Variants in ERCC1 observed in about 807,000 individuals in gnomAD.
ERCC1 encodes DNA excision repair protein ERCC-1.
In ERCC1, 36 loss-of-function variants were observed where a neutral mutation model predicts 37.6. The observed-to-expected ratio is 0.96, with a 90% CI of 0.73 to 1.26. The LOEUF is 1.26. ERCC1 is among the 50% of genes most tolerant of loss of function. ERCC1 has a pLI of 0.00. For missense variants in ERCC1, 349 were observed against 376.5 expected, an observed-to-expected ratio of 0.93 and a Z score of 0.60; for synonymous variants, 156 against 162.1, an observed-to-expected ratio of 0.96 and a Z score of 0.28.
At position 45,423,336 on chromosome 19, in the gene ERCC1, G is replaced by A. The variant is rs1322929852; in HGVS notation, c.39C>T (p.Pro13=). Residue 13 remains proline, a synonymous_variant, in exon 2 of 10, where the codon CCC becomes CCT. Coordinates refer to ENST00000300853, the MANE Select transcript of ERCC1 (RefSeq NM_001983.4). ...PGKDKEGVPQ[P]SGPPARKKFV... ...ATTTCTTCCTTGCTGGCGGCCCTGA[G>A]GGCTGGGGCACCCCCTCTTTGTCCT... 2 of 1,613,744 alleles carry A rather than the reference G, an allele frequency of 1.2e-6. No individual in the cohort carries two copies. The highest frequency in any genetic ancestry group is 8.5e-7 in the Non-Finnish European group (1 of 1,179,932).
chr19:45,434,253 G>A (rs1259889098), intron 1 of ERCC1, among the ~76,000 whole-genome samples: 1 of 151,674 alleles, frequency 6.6e-6, no homozygotes, highest in Non-Finnish European at 1.5e-5. Flanking sequence ...AGCTAAGGCT[G>A]GCAGATCGCT....
intron 1 of ERCC1, among the ~76,000 whole-genome samples, chr19:45,433,037 G>C (rs536660390): frequency 6.6e-6 from 1 of 152,100 alleles, no homozygotes; most frequent in South Asian, 2.1e-4. Flanking sequence ...CCGAGATCGC[G>C]CCACTGCACT....
At chr19:45,422,759 A>AT (rs1284477183) in intron 2 of ERCC1, among the ~76,000 whole-genome samples, 3 of 151,946 alleles carry the variant, frequency 2.0e-5, no homozygotes, top group African/African-American at 7.3e-5. Flanking sequence ...TCTGTCTCAA[A>AT]AAAATAAATA....
intron 1 of ERCC1, among the ~76,000 whole-genome samples, chr19:45,448,061 G>A (rs543547859): frequency 2.0e-5 from 3 of 152,108 alleles, no homozygotes; most frequent in South Asian, 2.1e-4. Context: ...TAGTAGAGAC[G>A]GGGTTTCGCC....
At chr19:45,430,641 G>A (rs1360477561) in intron 1 of ERCC1, among the ~76,000 whole-genome samples, 3 of 152,046 alleles carry the variant, frequency 2.0e-5, no homozygotes, top group Non-Finnish European at 4.4e-5. Context: ...AGCGGGGCGC[G>A]GTGGCTCATG....
chr19:45,431,823 G>A (rs1201504531), intron 1 of ERCC1, among the ~76,000 whole-genome samples: 2 of 152,102 alleles, frequency 1.3e-5, no homozygotes, highest in Non-Finnish European at 2.9e-5. Context: ...CCTAGCAGGT[G>A]GAGGCTGCAG....
intron 1 of ERCC1, among the ~76,000 whole-genome samples, chr19:45,446,056 T>A (rs1440406270): frequency 6.9e-6 from 1 of 145,878 alleles, no homozygotes; most frequent in Non-Finnish European, 1.5e-5. Flanking sequence ...GCCTGGCTAA[T>A]TTTTTTTTTG....
intron 1 of ERCC1, among the ~76,000 whole-genome samples, chr19:45,443,206 G>A (rs770046625): frequency 3.9e-5 from 6 of 152,132 alleles, no homozygotes; most frequent in Non-Finnish European, 5.9e-5. Context: ...AGGCTCCAAG[G>A]AGGTATGGCT....
At chr19:45,423,485 C>A in intron 1 of ERCC1, 104 bp from the exon 2 acceptor site, 1 of 1,511,404 alleles carries the variant, frequency 6.6e-7, no homozygotes. Context: ...ACTCCGAGAG[C>A]TCCATAGCGT....
At position 45,408,651 on chromosome 19, in the gene ERCC1, G is replaced by A. The variant is rs901323864; in HGVS notation, c.*1024C>T. ...CAGCTGAAAGAACCAGAGGCAGCAG[G>A]GCCTGTGGGGACAGAGCCCACAGTG... On this transcript the variant is annotated 3_prime_UTR_variant, in exon 10 of 10. Coordinates refer to ENST00000300853, the MANE Select transcript of ERCC1 (RefSeq NM_001983.4). The A allele has an allele frequency of 1.9e-6, 3 of 1,613,680 alleles. No individual in the cohort carries two copies. Among genetic ancestry groups the A allele is most frequent in the Non-Finnish European group, 2.5e-6 (3 of 1,179,988 alleles).
intron 1 of ERCC1, among the ~76,000 whole-genome samples, chr19:45,443,897 C>A (rs899529773): frequency 2.3e-4 from 35 of 151,982 alleles, no homozygotes; most frequent in African/African-American, 7.7e-4. Flanking sequence ...CACCCCGTAC[C>A]CCGTCCTTTC....
In ERCC1 at chr19:45,423,827, T is replaced by C. The variant is rs1974591899; in HGVS notation, c.-54A>G. On this transcript the variant is annotated 5_prime_UTR_variant, in exon 1 of 10. Coordinates refer to ENST00000300853, the MANE Select transcript of ERCC1 (RefSeq NM_001983.4). ...TTCAGCGCCGCGAGGCCTCACCTGC[T>C]GGTCTTGGAGCCTCAAGGGAAAGAC... is the stretch of plus-strand genomic sequence containing the variant. 2.6e-6 allele frequency: 3 copies of C among 1,134,570 alleles called. No individual in the cohort carries two copies. Among genetic ancestry groups the C allele is most frequent in the African/African-American group, 1.6e-5 (1 of 63,306 alleles). 70.3% of individuals were successfully genotyped at this position (1,134,570 alleles called of 1,614,324 possible).
intron 1 of ERCC1, among the ~76,000 whole-genome samples, chr19:45,435,889 A>T (rs1285431375): frequency 6.6e-6 from 1 of 152,054 alleles, no homozygotes; most frequent in Non-Finnish European, 1.5e-5. Context: ...CAGCCTCCCA[A>T]GTAGCCGGGA....
intron 7 of ERCC1, chr19:45,414,235 C>G: frequency 3.3e-6 from 2 of 613,958 alleles, no homozygotes; most frequent in East Asian, 5.7e-5. Context: ...CCAGCACTTT[C>G]GAGGCCGAGG....
chr19:45,446,192 G>A (rs1414622008), intron 1 of ERCC1, among the ~76,000 whole-genome samples: 2 of 152,120 alleles, frequency 1.3e-5, no homozygotes, highest in African/African-American at 4.8e-5. Flanking sequence ...GAGCCACCGC[G>A]CCTGGCTTGT....
chr19:45,422,594 G>A lies in ERCC1; in HGVS notation c.105+676C>T, dbSNP rs569391508. ...CAGCCTGACCAACATGGTGAAACCCGTCTCTACTAAAAATACAAAAATTAG... is the reference window on the plus strand; with the variant it reads ...CAGCCTGACCAACATGGTGAAACCCATCTCTACTAAAAATACAAAAATTAG... On this transcript the variant is annotated intron_variant, in intron 2 of 9. Transcript: ENST00000300853. 5.1e-4 allele frequency among the ~76,000 whole-genome samples: 78 copies of A among 152,046 alleles called. 1 individual carries two copies. In the South Asian group the frequency reaches 0.014, roughly 28 times the overall value.
chr19:45,444,259 C>T (rs1975197263), intron 1 of ERCC1, among the ~76,000 whole-genome samples: 1 of 149,810 alleles, frequency 6.7e-6, no homozygotes, highest in Non-Finnish European at 1.5e-5. Flanking sequence ...ATCCTGTTCC[C>T]CATTTCCCCC....
chr19:45,414,349 C>A (rs913216659), intron 7 of ERCC1: 1 of 417,198 alleles, frequency 2.4e-6, no homozygotes, highest in Non-Finnish European at 4.5e-6. Context: ...TGGTTGTGGG[C>A]ACCTGTAGTC....
At position 45,408,415 on chromosome 19, in the gene ERCC1, C is replaced by T. The variant is rs1973480750; in HGVS notation, c.*1260G>A. 1.9e-6 allele frequency: 3 copies of T among 1,613,620 alleles called. No homozygotes were observed. The highest frequency in any genetic ancestry group is 2.5e-6 in the Non-Finnish European group (3 of 1,179,848). ...TCCCTCCTGGCCTGAGGCCTCGGTTCTGTGCCTTTGGGGGCAACCCACCAG... is the reference window on the plus strand; with the variant it reads ...TCCCTCCTGGCCTGAGGCCTCGGTTTTGTGCCTTTGGGGGCAACCCACCAG... On this transcript the variant is annotated 3_prime_UTR_variant, in exon 10 of 10. Transcript: ENST00000300853.
Sources: allele counts gnomAD v4.1 joint callset (sites outside exome capture counted in the v4.1 genomes callset), GRCh38; gene constraint gnomAD v4.1.1; transcripts MANE v1.5; gene names NCBI Gene and HGNC (gene_info 2026-07-23, HGNC 2026-07-21).